INO80: variants seen among roughly 807,000 people sequenced by gnomAD.
INO80 encodes chromatin-remodeling ATPase INO80.
INO80 carries 20 observed loss-of-function variants against 203.4 expected under a neutral mutation model. The observed-to-expected ratio is 0.10, with a 90% CI of 0.07 to 0.14. The LOEUF (loss-of-function observed/expected upper bound fraction) is 0.14, where lower values mean the gene tolerates loss of function less well. Among genes scored for constraint, INO80 ranks in the 10% least tolerant of loss-of-function variants. The pLI is 1.00. For missense variants in INO80, 1,419 were observed against 1,914.4 expected (o/e 0.74, Z 4.83); for synonymous variants, 726 against 685.2 (o/e 1.06, Z -0.93).
intron 25 of INO80, 103 bp from the exon 26 acceptor site, chr15:41,021,228 T>C (rs2044289552): frequency 1.4e-6 from 1 of 734,596 alleles, no homozygotes; most frequent in South Asian, 1.7e-5. Context: ...GGATAGTTCT[T>C]AGACTAGTGG....
chr15:41,089,175 G>A (rs555954599), intron 5 of INO80, among the ~76,000 whole-genome samples: 26 of 152,170 alleles, frequency 1.7e-4, no homozygotes, highest in African/African-American at 5.8e-4. Context: ...GGGTAACAGA[G>A]CCTCCATCTC....
At chr15:41,066,632 C>G (rs1489639846) in intron 14 of INO80, among the ~76,000 whole-genome samples, 1 of 151,276 alleles carries the variant, frequency 6.6e-6, no homozygotes, top group Admixed American at 6.6e-5. Context: ...AGTTAGAGAC[C>G]AGCCTTGGCA....
chr15:41,099,450 A>G (rs933476106), intron 1 of INO80, among the ~76,000 whole-genome samples: 17 of 151,874 alleles, frequency 1.1e-4, no homozygotes, highest in Non-Finnish European at 1.9e-4. Context: ...TAGTTTGTAA[A>G]TTGTCAGTCT....
chr15:41,080,629 G>A (rs28510775), intron 8 of INO80, among the ~76,000 whole-genome samples: 59,411 of 151,994 alleles, frequency 0.39, 11,740 homozygotes, highest in South Asian at 0.48. Flanking sequence ...GCTGAGGCAG[G>A]CAGATCACCT....
intron 24 of INO80, among the ~76,000 whole-genome samples, chr15:41,041,209 C>T (rs186352125): frequency 6.6e-6 from 1 of 151,970 alleles, no homozygotes; most frequent in South Asian, 2.1e-4. Context: ...CCACCTCAGC[C>T]TCCCAAGTAG....
intron 27 of INO80, among the ~76,000 whole-genome samples, chr15:41,014,108 G>A (rs2044169434): frequency 6.6e-6 from 1 of 152,124 alleles, no homozygotes; most frequent in Non-Finnish European, 1.5e-5. Context: ...GATACACCGA[G>A]GGAAGGACTA....
intron 1 of INO80, among the ~76,000 whole-genome samples, chr15:41,114,608 C>T (rs866423213): frequency 1.4e-3 from 217 of 151,414 alleles, no homozygotes; most frequent in Middle Eastern, 6.8e-3. Context: ...ACTGGGGAGG[C>T]TGAGGCACGA....
Position 40,987,910 on chromosome 15 carries a change from C to T in INO80, c.3635G>A (p.Arg1212His). 6.2e-7 allele frequency: 1 copy of T among 1,614,060 alleles called. No individual in the cohort carries two copies. Among genetic ancestry groups the T allele is most frequent in the Non-Finnish European group, 8.5e-7 (1 of 1,179,936 alleles). The change falls in exon 30 of 36, where the codon CGC becomes CAC. Residue 1212 changes from arginine (R) to histidine (H), a missense_variant. Transcript: ENST00000648947. ...AGTAACCTGCTTTGTCTGCCCTAAG[C>T]GGTGGGCCCTGTCCATGGCCTGCTG... The part of the protein sequence containing the change: ...VDQQAMDRAH[R>H]LGQTKQVTVY...
At chr15:41,114,261 C>T (rs1449395241) in intron 1 of INO80, among the ~76,000 whole-genome samples, 4 of 144,786 alleles carry the variant, frequency 2.8e-5, no homozygotes, top group Admixed American at 2.0e-4. Flanking sequence ...AGCCAGACTC[C>T]GTCTCAAAAA....
chr15:41,049,894 A>C, intron 20 of INO80, 41 bp downstream of exon 20: 1 of 1,565,200 alleles, frequency 6.4e-7, no homozygotes, highest in Non-Finnish European at 8.7e-7. Context: ...ATCTCAAAAA[A>C]CAAAAAACAA....
intron 25 of INO80, among the ~76,000 whole-genome samples, chr15:41,026,787 T>G (rs1306134845): frequency 4.6e-5 from 7 of 152,240 alleles, no homozygotes; most frequent in African/African-American, 1.7e-4. Context: ...ATTATTTCCC[T>G]TCTTGGTAGA....
At chr15:40,993,631 C>A (rs1048663977) in intron 29 of INO80, among the ~76,000 whole-genome samples, 1 of 151,944 alleles carries the variant, frequency 6.6e-6, no homozygotes, top group Non-Finnish European at 1.5e-5. Flanking sequence ...TGGTGGTGCC[C>A]GCCTGTAGTC....
intron 1 of INO80, among the ~76,000 whole-genome samples, chr15:41,098,332 T>C (rs1303213430): frequency 6.6e-6 from 1 of 152,094 alleles, no homozygotes; most frequent in Non-Finnish European, 1.5e-5. Flanking sequence ...AGATCAAAAA[T>C]TAGCCCATGC....
intron 16 of INO80, 106 bp downstream of exon 16, chr15:41,058,533 T>G (rs2045037382): frequency 2.0e-6 from 2 of 1,009,026 alleles, no homozygotes. Context: ...TATCTTGATT[T>G]TATTCATATA....
intron 34 of INO80, 126 bp from the exon 35 acceptor site, chr15:40,983,203 G>A (rs77520362): frequency 4.5e-6 from 3 of 667,540 alleles, no homozygotes; most frequent in African/African-American, 1.8e-5. Context: ...CCCATGAGGA[G>A]GTCTATGTCT....
At chr15:41,061,450 CAAAA>C (rs980593225) in intron 14 of INO80, among the ~76,000 whole-genome samples, 67 of 66,934 alleles carry the variant, frequency 1.0e-3, no homozygotes, top group African/African-American at 3.5e-3. Context: ...ACCAAAAATA[CAAAA>C]AAAAAAAAAA....
intron 26 of INO80, chr15:41,018,802 A>ATG (rs2044247588): frequency 6.6e-6 from 1 of 152,232 alleles, no homozygotes; most frequent in South Asian, 2.1e-4. Context: ...GCTAAGCAGG[A>ATG]TACAGAGACA....
intron 25 of INO80, among the ~76,000 whole-genome samples, chr15:41,021,482 A>C (rs2044293896): frequency 1.3e-5 from 2 of 152,196 alleles, no homozygotes; most frequent in Non-Finnish European, 2.9e-5. Flanking sequence ...AGTTCTCTTA[A>C]CCATATGCAT....
chr15:41,062,672 T>C (rs2045133601), intron 14 of INO80, among the ~76,000 whole-genome samples: 2 of 152,160 alleles, frequency 1.3e-5, no homozygotes, highest in South Asian at 2.1e-4. Flanking sequence ...GAGAAGGTCA[T>C]GGGGGCTTTG....
Sources: gnomAD v4.1 joint callset for allele counts (sites outside exome capture counted in the v4.1 genomes callset) on GRCh38, gnomAD v4.1.1 for gene constraint, MANE v1.5 for transcripts, NCBI Gene and HGNC (gene_info 2026-07-23, HGNC 2026-07-21) for gene names.